Variants in KCNQ5 observed in about 807,000 individuals in gnomAD.
The protein encoded by KCNQ5 is potassium voltage-gated channel subfamily KQT member 5.
Under a neutral mutation model 98.2 loss-of-function variants are expected in KCNQ5, and 30 were observed. The observed-to-expected ratio is 0.31, with a 90% confidence interval of 0.23 to 0.41. KCNQ5 has a LOEUF of 0.41. Ranked by LOEUF, KCNQ5 falls within the 10% of genes least tolerant of loss-of-function variation. KCNQ5 has a pLI of 1.00. For synonymous variants in KCNQ5, 458 were observed against 449.4 expected, an observed-to-expected ratio of 1.02 and a Z score of -0.24; for missense variants, 835 against 1,182.5, an observed-to-expected ratio of 0.71 and a Z score of 4.31.
intron 1 of KCNQ5, among the ~76,000 whole-genome samples, chr6:72,624,317 C>T (rs1041389894): frequency 6.6e-6 from 1 of 152,136 alleles, no homozygotes; most frequent in Non-Finnish European, 1.5e-5. Context: ...TTATAATGCT[C>T]AATTTGGTAG....
intron 1 of KCNQ5, among the ~76,000 whole-genome samples, chr6:72,683,744 A>C (rs1288113619): frequency 2.0e-5 from 3 of 147,654 alleles, no homozygotes; most frequent in Non-Finnish European, 4.5e-5. Context: ...CTGGGTTTGT[A>C]TGTTTGGTGT....
intron 5 of KCNQ5, among the ~76,000 whole-genome samples, chr6:73,081,310 G>T (rs1471055398): frequency 1.3e-5 from 2 of 152,134 alleles, no homozygotes; most frequent in Non-Finnish European, 2.9e-5. Context: ...TCTTCTGATT[G>T]TTGGATAGAG....
intron 8 of KCNQ5, 108 bp from the exon 9 acceptor site, chr6:73,124,378 G>T: frequency 3.3e-6 from 3 of 911,434 alleles, no homozygotes; most frequent in Non-Finnish European, 5.4e-6. Context: ...CATGAAAAGA[G>T]TTACTTAAGG....
At chr6:73,020,727 A>G (rs1032306681) in intron 2 of KCNQ5, among the ~76,000 whole-genome samples, 21 of 152,136 alleles carry the variant, frequency 1.4e-4, no homozygotes, top group African/African-American at 2.4e-5. Context: ...GTCAATTCAT[A>G]CAAAAAGACA....
At chr6:72,856,889 C>G (rs1313064614) in intron 1 of KCNQ5, among the ~76,000 whole-genome samples, 1 of 152,200 alleles carries the variant, frequency 6.6e-6, no homozygotes, top group Non-Finnish European at 1.5e-5. Context: ...CCAGACCCTG[C>G]CCCTCCCCCG....
chr6:72,807,378 T>C (rs1775008946), intron 1 of KCNQ5, among the ~76,000 whole-genome samples: 1 of 152,242 alleles, frequency 6.6e-6, no homozygotes, highest in South Asian at 2.1e-4. Flanking sequence ...TATCTTTACT[T>C]TCAAGAGGGT....
intron 3 of KCNQ5, among the ~76,000 whole-genome samples, chr6:73,056,779 A>G (rs1353642921): frequency 6.6e-6 from 1 of 152,218 alleles, no homozygotes; most frequent in East Asian, 1.9e-4. Flanking sequence ...AAAGAATGCC[A>G]TCCCATGCAC....
chr6:72,932,601 C>CT (rs1332953948), intron 1 of KCNQ5, among the ~76,000 whole-genome samples: 2 of 152,000 alleles, frequency 1.3e-5, no homozygotes, highest in Non-Finnish European at 2.9e-5. Flanking sequence ...AGCTGTTATT[C>CT]TTTTTTTAAT....
At position 72,643,442 on chromosome 6, in the gene KCNQ5, T is replaced by C. The variant is rs140261233; in HGVS notation, c.398+20855T>C. Reference sequence around the variant, plus strand: ...AGTGTGGTGCTGCTGTTCAGCCACATTAAATTCACAGGACAAGTCTGCACC... The same window carrying C: ...AGTGTGGTGCTGCTGTTCAGCCACACTAAATTCACAGGACAAGTCTGCACC... On this transcript the variant is annotated intron_variant, in intron 1 of 13. Transcript: ENST00000370398. Among the ~76,000 whole-genome samples, 26 of 152,246 alleles carry C rather than the reference T, an allele frequency of 1.7e-4. No homozygotes were observed. In the East Asian group the frequency reaches 5.0e-3, roughly 29 times the overall value.
intron 10 of KCNQ5, chr6:73,143,475 T>G (rs1349462053): frequency 6.6e-6 from 1 of 152,330 alleles, no homozygotes; most frequent in African/African-American, 2.4e-5. Context: ...CCGCTGCTTC[T>G]TGCCTCTCAT....
At chr6:72,914,586 C>A (rs78370066) in intron 1 of KCNQ5, among the ~76,000 whole-genome samples, 2 of 144,550 alleles carry the variant, frequency 1.4e-5, no homozygotes, top group African/African-American at 5.1e-5. Flanking sequence ...TCTCTCTTGC[C>A]CATTTTAGAT....
chr6:73,002,057 A>C (rs942995211), intron 1 of KCNQ5, among the ~76,000 whole-genome samples: 2 of 152,192 alleles, frequency 1.3e-5, no homozygotes, highest in African/African-American at 2.4e-5. Context: ...CTAGGAGTTC[A>C]AGGTTAAAGT....
At chr6:73,163,156 A>T (rs1489820857) in intron 10 of KCNQ5, among the ~76,000 whole-genome samples, 2 of 152,120 alleles carry the variant, frequency 1.3e-5, no homozygotes, top group African/African-American at 2.4e-5. Flanking sequence ...TGGGAGGCCT[A>T]AGTGGGAGGA....
At chr6:73,055,321 G>C (rs1338237827) in intron 3 of KCNQ5, 1 of 1,413,912 alleles carries the variant, frequency 7.1e-7, no homozygotes, top group African/African-American at 1.4e-5. Flanking sequence ...ATCAGATGTA[G>C]CTGCCAATAG....
chr6:72,829,764 A>T (rs940751839), intron 1 of KCNQ5, among the ~76,000 whole-genome samples: 1 of 152,182 alleles, frequency 6.6e-6, no homozygotes, highest in Non-Finnish European at 1.5e-5. Flanking sequence ...GGTGGAATGA[A>T]TAGATGTTTG....
chr6:72,954,013 C>G (rs924427632), intron 1 of KCNQ5, among the ~76,000 whole-genome samples: 9 of 152,114 alleles, frequency 5.9e-5, no homozygotes, highest in African/African-American at 2.2e-4. Context: ...GAAACTGAGT[C>G]AACAAAAGGC....
chr6:72,644,686 G>A (rs559207483), intron 1 of KCNQ5, among the ~76,000 whole-genome samples: 1 of 152,206 alleles, frequency 6.6e-6, no homozygotes, highest in Non-Finnish European at 1.5e-5. Context: ...CTGTGGGGAA[G>A]GAATGAGACA....
At chr6:73,053,756 CTTAAG>C (rs1330563972) in intron 3 of KCNQ5, among the ~76,000 whole-genome samples, 3 of 151,970 alleles carry the variant, frequency 2.0e-5, no homozygotes, top group East Asian at 1.9e-4. Flanking sequence ...TTAGAAAGAT[CTTAAG>C]TTAACAACCG....
intron 1 of KCNQ5, among the ~76,000 whole-genome samples, chr6:72,954,356 G>A (rs1398863323): frequency 6.6e-6 from 1 of 152,162 alleles, no homozygotes; most frequent in Non-Finnish European, 1.5e-5. Flanking sequence ...AAGGTAGATG[G>A]AGAAGAATGA....
Sources: gnomAD v4.1 joint callset for allele counts (sites outside exome capture counted in the v4.1 genomes callset) on GRCh38, gnomAD v4.1.1 for gene constraint, MANE v1.5 for transcripts, NCBI Gene and HGNC (gene_info 2026-07-23, HGNC 2026-07-21) for gene names.